Variants in CNTNAP5 observed in about 807,000 individuals in gnomAD.
CNTNAP5 encodes contactin associated protein family member 5.
CNTNAP5 carries 72 observed loss-of-function variants against 150.2 expected under a neutral mutation model. The observed-to-expected ratio is 0.48, with a 90% CI of 0.40 to 0.58. The LOEUF is 0.58. CNTNAP5 is among the 20% of genes least tolerant of loss of function. The pLI, the probability that CNTNAP5 is intolerant of heterozygous loss-of-function variation, is 0.00. For synonymous variants in CNTNAP5, 672 were observed against 619.8 expected, an observed-to-expected ratio of 1.08 and a Z score of -1.25; for missense variants, 1,636 against 1,626.2, an observed-to-expected ratio of 1.01 and a Z score of -0.10.
intron 8 of CNTNAP5, among the ~76,000 whole-genome samples, chr2:124,511,697 GCATA>G (rs1296263234): frequency 6.6e-6 from 1 of 152,166 alleles, no homozygotes; most frequent in African/African-American, 2.4e-5. Flanking sequence ...TTTGAAACTG[GCATA>G]AATGGTCCTG....
chr2:124,453,218 T>C (rs1693031825), intron 6 of CNTNAP5, among the ~76,000 whole-genome samples: 1 of 152,004 alleles, frequency 6.6e-6, no homozygotes, highest in Non-Finnish European at 1.5e-5. Context: ...ACAGATGCAC[T>C]TAAAGAAATG....
intron 4 of CNTNAP5, among the ~76,000 whole-genome samples, chr2:124,432,833 G>T (rs990308332): frequency 6.6e-6 from 1 of 152,166 alleles, no homozygotes; most frequent in Non-Finnish European, 1.5e-5. Flanking sequence ...AAGGTAGAGT[G>T]CCAACCAATA....
Position 124,798,312 on chromosome 2 carries a change from G to A in CNTNAP5, c.3209G>A (p.Cys1070Tyr), listed in dbSNP as rs774634485. Reference sequence around the variant, plus strand: ...CAGGACTTCGTGGTTGTTCTGCTCTGCAAGAATGGTGAGTGTGATGGCATG... The same window carrying A: ...CAGGACTTCGTGGTTGTTCTGCTCTACAAGAATGGTGAGTGTGATGGCATG... ...SSQDFVVVLL[C>Y]KNGSLQVRYH... Residue 1070 changes from cysteine to tyrosine, a missense_variant, in exon 19 of 24, where the codon TGC (cysteine) becomes TAC (tyrosine). Physicochemically the swap from Cys to Tyr is radical, Grantham distance 194 (BLOSUM62 -2). Coordinates refer to ENST00000682447, the MANE Select transcript of CNTNAP5 (RefSeq NM_001367498.1). 1.9e-6 allele frequency: 3 copies of A among 1,610,174 alleles called. No homozygotes were observed. The highest frequency in any genetic ancestry group is 2.5e-6 in the Non-Finnish European group (3 of 1,176,532).
chr2:124,507,830 G>A (rs1268783639), intron 8 of CNTNAP5, among the ~76,000 whole-genome samples: 1 of 152,144 alleles, frequency 6.6e-6, no homozygotes, highest in Non-Finnish European at 1.5e-5. Flanking sequence ...AAATATTTTA[G>A]TTTCTTTCAC....
At chr2:124,314,071 G>A (rs1269891962) in intron 3 of CNTNAP5, among the ~76,000 whole-genome samples, 1 of 152,146 alleles carries the variant, frequency 6.6e-6, no homozygotes, top group Non-Finnish European at 1.5e-5. Context: ...GTGCGTGGAT[G>A]ATTTGTAGTA....
rs1002353349 is a variant in CNTNAP5, at chr2:124,870,155, CT to C, written c.3436+404del. 3.1e-3 allele frequency among the ~76,000 whole-genome samples: 446 copies of C among 144,842 alleles called. 1 individual carries two copies. The highest frequency in any genetic ancestry group is 0.018 in the East Asian group (90 of 4,944). On this transcript the variant is annotated intron_variant, in intron 21 of 23. Transcript: ENST00000682447. ...GTAATTTCCTATTATAATAGTGAATCTTTTTTTTTTTCTATTGGAAGTTCTG... is the reference window on the plus strand; with the variant it reads ...GTAATTTCCTATTATAATAGTGAATCTTTTTTTTTTCTATTGGAAGTTCTG...
intron 3 of CNTNAP5, among the ~76,000 whole-genome samples, chr2:124,364,689 CATG>C (rs1288834380): frequency 6.6e-6 from 1 of 152,170 alleles, no homozygotes; most frequent in African/African-American, 2.4e-5. Context: ...AAAGAGATAT[CATG>C]ATGCCAGTTA....
chr2:124,453,127 A>C (rs1693028889), intron 6 of CNTNAP5, among the ~76,000 whole-genome samples: 1 of 152,178 alleles, frequency 6.6e-6, no homozygotes, highest in African/African-American at 2.4e-5. Context: ...AAATAAAAAA[A>C]AAATCATGCA....
At chr2:124,202,750 T>C (rs1342814505) in intron 1 of CNTNAP5, among the ~76,000 whole-genome samples, 1 of 152,048 alleles carries the variant, frequency 6.6e-6, no homozygotes, top group African/African-American at 2.4e-5. Context: ...ATTAGACCAT[T>C]AGATTTTGTG....
At chr2:124,366,948 C>A (rs1275134056) in intron 3 of CNTNAP5, among the ~76,000 whole-genome samples, 1 of 152,192 alleles carries the variant, frequency 6.6e-6, no homozygotes, top group Non-Finnish European at 1.5e-5. Flanking sequence ...TGATAAGACA[C>A]CCCTCAGCTG....
chr2:124,039,311 C>A (rs1272560972), intron 1 of CNTNAP5, among the ~76,000 whole-genome samples: 1 of 152,140 alleles, frequency 6.6e-6, no homozygotes, highest in Non-Finnish European at 1.5e-5. Context: ...ATATATAGCA[C>A]AGTAAATGGC....
At chr2:124,026,541 ATC>A (rs1680895021) in intron 1 of CNTNAP5, among the ~76,000 whole-genome samples, 1 of 152,182 alleles carries the variant, frequency 6.6e-6, no homozygotes, top group African/African-American at 2.4e-5. Context: ...ACTTGAATAA[ATC>A]TCTGGAGCTA....
Position 124,149,138 on chromosome 2 carries a change from C to T in CNTNAP5, c.83-72567C>T, listed in dbSNP as rs181389775. Among the ~76,000 whole-genome samples the T allele has an allele frequency of 1.6e-3, 237 of 152,032 alleles. 1 individual carries two copies. Among genetic ancestry groups the T allele is most frequent in the Admixed American group, 0.014 (210 of 15,248 alleles). On this transcript the variant is annotated intron_variant, in intron 1 of 23. Coordinates refer to ENST00000682447, the MANE Select transcript of CNTNAP5 (RefSeq NM_001367498.1). ...CAATGCTTCAAGGCTGTGGGTGTTT[C>T]GTTAAGTTCTTCTTCACTTCCAACC...
At chr2:124,758,410 A>G (rs530907751) in intron 14 of CNTNAP5, among the ~76,000 whole-genome samples, 108 of 152,182 alleles carry the variant, frequency 7.1e-4, no homozygotes, top group Non-Finnish European at 5.4e-4. Context: ...TAGACAGTCA[A>G]ATAAATATAT....
chr2:124,262,190 A>G (rs1687475811), intron 3 of CNTNAP5, among the ~76,000 whole-genome samples: 1 of 152,148 alleles, frequency 6.6e-6, no homozygotes, highest in Admixed American at 6.6e-5. Flanking sequence ...GGTTGCCACC[A>G]GTCAAAATCA....
At chr2:124,137,574 CA>C (rs987359657) in intron 1 of CNTNAP5, among the ~76,000 whole-genome samples, 1 of 151,768 alleles carries the variant, frequency 6.6e-6, no homozygotes, top group Non-Finnish European at 1.5e-5. Context: ...ATTTAACACA[CA>C]AAAAAAATTC....
At chr2:124,811,371 A>G (rs1682214960) in intron 19 of CNTNAP5, among the ~76,000 whole-genome samples, 1 of 152,178 alleles carries the variant, frequency 6.6e-6, no homozygotes, top group African/African-American at 2.4e-5. Context: ...ATTCTATACT[A>G]TTTGACTTTA....
At chr2:124,123,080 CA>C (rs912392919) in intron 1 of CNTNAP5, among the ~76,000 whole-genome samples, 6 of 151,972 alleles carry the variant, frequency 3.9e-5, no homozygotes, top group African/African-American at 1.2e-4. Context: ...ACACTGGGTG[CA>C]GCCCATGGAG....
intron 11 of CNTNAP5, among the ~76,000 whole-genome samples, chr2:124,602,689 A>G (rs1338111692): frequency 1.3e-5 from 2 of 152,102 alleles, no homozygotes; most frequent in African/African-American, 4.8e-5. Context: ...ACGGGGATCT[A>G]ACTATGTTGC....
Sources: allele counts gnomAD v4.1 joint callset (sites outside exome capture counted in the v4.1 genomes callset), GRCh38; gene constraint gnomAD v4.1.1; transcripts MANE v1.5; gene names NCBI Gene and HGNC (gene_info 2026-07-23, HGNC 2026-07-21).